Variants in SHOC2 observed in about 807,000 individuals in gnomAD.
SHOC2 encodes leucine-rich repeat protein SHOC-2.
Under a neutral mutation model 50.2 loss-of-function variants are expected in SHOC2, and 4 were observed. That is an observed-to-expected ratio of 0.08 (90% confidence interval 0.04 to 0.18). The LOEUF is 0.18. SHOC2 is among the 10% of genes least tolerant of loss of function. The pLI is 1.00. For synonymous variants in SHOC2, 218 were observed against 244.5 expected (o/e 0.89, Z 1.01); for missense variants, 388 against 669.6 (o/e 0.58, Z 4.64).
intron 1 of SHOC2, among the ~76,000 whole-genome samples, chr10:110,927,345 C>G (rs1020658562): frequency 6.6e-6 from 1 of 152,130 alleles, no homozygotes; most frequent in African/African-American, 2.4e-5. Flanking sequence ...CTCTTGAATT[C>G]TGTGACTATA....
chr10:110,994,708 A>C (rs1268783736), intron 3 of SHOC2, among the ~76,000 whole-genome samples: 1 of 152,212 alleles, frequency 6.6e-6, no homozygotes, highest in Non-Finnish European at 1.5e-5. Context: ...ATTTTTATAC[A>C]TATAAATAAG....
Position 110,945,941 on chromosome 10 carries a change from C to T in SHOC2, c.-234-18184C>T, listed in dbSNP as rs556810403. ...GCTATCTTCCTATGAGCATACCCAC[C>T]CTATCCCAATTGGCCTCTTAAACAT... is the stretch of plus-strand genomic sequence containing the variant. On this transcript the variant is annotated intron_variant, in intron 1 of 8. Coordinates refer to ENST00000369452, the MANE Select transcript of SHOC2 (RefSeq NM_007373.4). Among the ~76,000 whole-genome samples, 14 of 152,242 alleles carry T rather than the reference C, an allele frequency of 9.2e-5. No homozygotes were observed. The South Asian group carries it at 1.7e-3, about 18-fold the overall frequency.
At chr10:110,990,220 G>A (rs1264082394) in intron 3 of SHOC2, among the ~76,000 whole-genome samples, 1 of 152,244 alleles carries the variant, frequency 6.6e-6, no homozygotes, top group Non-Finnish European at 1.5e-5. Flanking sequence ...AAGCCAGCTG[G>A]GCTCCTGAGT....
rs1848572102 is a variant in SHOC2 at position 111,011,860 on chromosome 10, C to G, written c.*42C>G. 1 of 1,440,696 alleles carries G rather than the reference C, an allele frequency of 6.9e-7. No homozygotes were observed. Among genetic ancestry groups the G allele is most frequent in the Non-Finnish European group, 9.8e-7 (1 of 1,023,020 alleles). The allele number at this position is 1,440,696 out of a possible 1,614,324, so 89.2% of individuals were successfully genotyped here. A position where few individuals can be genotyped will look rare whatever the true frequency, so the allele number is the denominator to read the frequency against. On this transcript the variant is annotated 3_prime_UTR_variant, in exon 9 of 9. Transcript: ENST00000369452. ...CCACACACTGTTCAAAAATAGACTG[C>G]CATTAATGTTTCTTATCTATATCTG...
At chr10:110,937,837 A>G (rs1847059407) in intron 1 of SHOC2, among the ~76,000 whole-genome samples, 1 of 152,232 alleles carries the variant, frequency 6.6e-6, no homozygotes, top group African/African-American at 2.4e-5. Flanking sequence ...AAAAACATTA[A>G]GAATGAAACT....
intron 1 of SHOC2, among the ~76,000 whole-genome samples, chr10:110,951,207 A>G (rs749572720): frequency 2.0e-5 from 3 of 152,208 alleles, no homozygotes; most frequent in Non-Finnish European, 4.4e-5. Flanking sequence ...AGTTTTTAAG[A>G]TGAACAAAGG....
Position 111,011,514 on chromosome 10 carries a change from T to C in SHOC2, c.1541-96T>C, listed in dbSNP as rs1381037878. 55 of 795,648 alleles carry C rather than the reference T, an allele frequency of 6.9e-5. No individual in the cohort carries two copies. The South Asian group carries it at 8.0e-4, about 12-fold the overall frequency. 49.3% of individuals were successfully genotyped at this position (795,648 alleles called of 1,614,324 possible). ...AAAGGAGAATAAAAGGAAATGTGTG[T>C]TCAGTATATGTAATGACCAGAACAG... On this transcript the variant is annotated intron_variant, in intron 8 of 8. Coordinates refer to ENST00000369452, the MANE Select transcript of SHOC2 (RefSeq NM_007373.4).
At chr10:110,954,552 A>G (rs1466480892) in intron 1 of SHOC2, among the ~76,000 whole-genome samples, 1 of 152,242 alleles carries the variant, frequency 6.6e-6, no homozygotes, top group Admixed American at 6.5e-5. Context: ...ACAGGAACTG[A>G]TAAAGATGCT....
At position 110,997,539 on chromosome 10, in the gene SHOC2, C is replaced by CCG. The variant is rs1564726752; in HGVS notation, c.842-2875_842-2874insGC. 5.9e-5 allele frequency among the ~76,000 whole-genome samples: 9 copies of CCG among 152,130 alleles called. No individual in the cohort carries two copies. The East Asian group carries it at 1.7e-3, about 30-fold the overall frequency. ...ACAATTTTATCATGCTTTTTCCCCC[C>CCG]CAACTTAACATCATACCTGAAAGTC... is the stretch of plus-strand genomic sequence containing the variant. On this transcript the variant is annotated intron_variant, in intron 3 of 8. Transcript: ENST00000369452.
intron 1 of SHOC2, among the ~76,000 whole-genome samples, chr10:110,923,324 A>G (rs1846691784): frequency 6.6e-6 from 1 of 152,094 alleles, no homozygotes; most frequent in Non-Finnish European, 1.5e-5. Flanking sequence ...ACAGATTGAA[A>G]CATAAGTCTG....
At chr10:110,995,779 T>C (rs952534547) in intron 3 of SHOC2, among the ~76,000 whole-genome samples, 8 of 152,222 alleles carry the variant, frequency 5.3e-5, no homozygotes, top group African/African-American at 1.9e-4. Flanking sequence ...TGTGTTCTCT[T>C]TATGGAGAAG....
At chr10:110,987,732 G>GA (rs1318307577) in intron 3 of SHOC2, among the ~76,000 whole-genome samples, 7 of 150,972 alleles carry the variant, frequency 4.6e-5, no homozygotes, top group Non-Finnish European at 7.4e-5. Flanking sequence ...GACCTTAGGA[G>GA]AAAAAAAACA....
chr10:111,007,411 A>T, intron 5 of SHOC2, 120 bp from the exon 6 acceptor site: 1 of 1,151,586 alleles, frequency 8.7e-7, no homozygotes, highest in Non-Finnish European at 1.2e-6. Context: ...TTCTATATTT[A>T]AATATCAAAA....
Position 110,964,472 on chromosome 10 carries a change from C to G in SHOC2, c.114C>G (p.Ser38Arg). 2.5e-6 allele frequency: 4 copies of G among 1,613,762 alleles called. No individual in the cohort carries two copies. Among genetic ancestry groups the G allele is most frequent in the Non-Finnish European group, 3.4e-6 (4 of 1,179,936 alleles). The change falls in exon 2 of 9, where the codon AGC (serine) becomes AGG (arginine). Residue 38 changes from serine to arginine, a missense_variant. Physicochemically the swap from Ser to Arg is moderately radical, Grantham distance 110. Transcript: ENST00000369452. The surrounding 1 kb of genome is among the most constrained non-coding windows in gnomAD (Gnocchi z 4.9). ...AKASGGFGKE[S>R]KEKEPKTKGK... The stretch of plus-strand genomic sequence containing the variant: ...CCTCTGGAGGTTTTGGGAAAGAGAG[C>G]AAAGAAAAAGAACCTAAGACCAAAG...
intron 1 of SHOC2, among the ~76,000 whole-genome samples, chr10:110,961,642 T>A (rs1023851861): frequency 6.6e-6 from 1 of 152,178 alleles, no homozygotes; most frequent in Non-Finnish European, 1.5e-5. Context: ...TGCTACAGGA[T>A]GAGTTTGGGG....
chr10:111,007,732 A>G, intron 6 of SHOC2, 79 bp downstream of exon 6: 1 of 1,394,456 alleles, frequency 7.2e-7, no homozygotes. Context: ...TTAAATAAGC[A>G]ATTTCTATTT....
chr10:110,940,380 A>G (rs1269976744), intron 1 of SHOC2, among the ~76,000 whole-genome samples: 1 of 152,180 alleles, frequency 6.6e-6, no homozygotes, highest in African/African-American at 2.4e-5. Context: ...TATTTCTCTT[A>G]GAAAAGAAAT....
At chr10:110,995,227 C>T (rs756564253) in intron 3 of SHOC2, among the ~76,000 whole-genome samples, 15 of 152,216 alleles carry the variant, frequency 9.9e-5, no homozygotes, top group Admixed American at 2.0e-4. Flanking sequence ...CAAAGCTCCT[C>T]ACTTACTGGG....
chr10:110,964,699 T>C lies in SHOC2; in HGVS notation c.341T>C (p.Ile114Thr). 6.2e-7 allele frequency: 1 copy of C among 1,614,150 alleles called. No homozygotes were observed. The highest frequency in any genetic ancestry group is 8.5e-7 in the Non-Finnish European group (1 of 1,180,006). ...RLDLSKRSIHILPSSIKELTQ... is the reference protein window; with the variant it reads ...RLDLSKRSIHTLPSSIKELTQ... ...GACTTATCCAAGAGATCTATACACA[T>C]ATTGCCATCATCAATCAAAGAGTTG... The change falls in exon 2 of 9, where the codon ATA (isoleucine) becomes ACA (threonine). Residue 114 changes from isoleucine to threonine, a missense_variant. By Grantham distance (89) the Ile-to-Thr change is moderately conservative. This residue lies in a region of SHOC2 where 121 missense variants were observed against 145.5 expected (regional missense o/e 0.83). Coordinates refer to ENST00000369452, the MANE Select transcript of SHOC2 (RefSeq NM_007373.4). The surrounding 1 kb of genome is among the most constrained non-coding windows in gnomAD (Gnocchi z 4.9).
Sources: gnomAD v4.1 joint callset for allele counts (sites outside exome capture counted in the v4.1 genomes callset) on GRCh38, gnomAD v4.1.1 for gene constraint, gnomAD v4.1.1 regional missense constraint, Gnocchi (gnomAD v3.1) non-coding constraint, MANE v1.5 for transcripts, NCBI Gene and HGNC (gene_info 2026-07-23, HGNC 2026-07-21) for gene names.